The following AGAP1 variants were observed in gnomAD, a reference collection of about 807,000 sequenced individuals.
AGAP1 encodes ArfGAP with GTPase domain, ankyrin repeat and PH domain 1.
A neutral mutation model predicts 105.3 loss-of-function variants in AGAP1; 29 were observed. The observed-to-expected ratio is 0.28, with a 90% confidence interval of 0.21 to 0.38. The LOEUF is 0.38. AGAP1 is among the 10% of genes least tolerant of loss of function. The probability of loss-of-function intolerance (pLI) is 1.00; values close to 1 mark genes in which losing one functional copy is unlikely to be tolerated. For missense variants in AGAP1, 998 were observed against 1,165.1 expected, an observed-to-expected ratio of 0.86 and a Z score of 2.09; for synonymous variants, 509 against 485.9, an observed-to-expected ratio of 1.05 and a Z score of -0.63.
rs1441210013 is a variant in AGAP1, at chr2:235,959,696, G to C, written c.1484-8766G>C. Reference sequence around the variant, plus strand: ...CCCGCCATCACCTTCTCAGCACCATGATGGCCACTCCCTCGTGTAGCCGGT... The same window carrying C: ...CCCGCCATCACCTTCTCAGCACCATCATGGCCACTCCCTCGTGTAGCCGGT... On this transcript the variant is annotated intron_variant, in intron 12 of 17. Coordinates refer to ENST00000304032, the MANE Select transcript of AGAP1 (RefSeq NM_001037131.3). This position sits in a 1 kb window ranked among gnomAD's most constrained non-coding sequence, Gnocchi z 7.3. 2.0e-5 allele frequency among the ~76,000 whole-genome samples: 3 copies of C among 152,234 alleles called. No homozygotes were observed. The highest frequency in any genetic ancestry group is 1.9e-4 in the East Asian group (1 of 5,172).
chr2:235,813,753 C>T (rs1028637950), intron 9 of AGAP1, among the ~76,000 whole-genome samples: 2 of 152,248 alleles, frequency 1.3e-5, no homozygotes, highest in African/African-American at 4.8e-5. Context: ...ATTGCAAGGA[C>T]AGAGGGTTTC....
chr2:235,509,777 G>A lies in AGAP1; in HGVS notation c.163+14928G>A, dbSNP rs113541119. ...AATAAGATCATGCATTAAAAAGGGG[G>A]TCCCCAGCCTCTGGGCCATGGACCA... On this transcript the variant is annotated intron_variant, in intron 1 of 17. Coordinates refer to ENST00000304032, the MANE Select transcript of AGAP1 (RefSeq NM_001037131.3). Among the ~76,000 whole-genome samples the A allele has an allele frequency of 3.0e-3, 457 of 152,166 alleles. 5 individuals carry two copies. Among genetic ancestry groups the A allele is most frequent in the South Asian group, 0.02 (98 of 4,820 alleles).
At chr2:235,870,024 C>T (rs1370627964) in intron 9 of AGAP1, among the ~76,000 whole-genome samples, 3 of 152,186 alleles carry the variant, frequency 2.0e-5, no homozygotes, top group East Asian at 1.9e-4. Context: ...AGTCAGAGGA[C>T]AGAGTGATCA....
intron 13 of AGAP1, among the ~76,000 whole-genome samples, chr2:235,985,946 A>G (rs1353542401): frequency 1.3e-5 from 2 of 152,182 alleles, no homozygotes; most frequent in Admixed American, 6.5e-5. Context: ...TGTTTTGGCT[A>G]TACAGGGTCT....
chr2:235,805,521 A>G (rs1279492187), intron 8 of AGAP1, among the ~76,000 whole-genome samples: 1 of 152,134 alleles, frequency 6.6e-6, no homozygotes, highest in Non-Finnish European at 1.5e-5. Context: ...AAAATTCCCA[A>G]AGTACTCTTA....
chr2:235,727,342 G>T (rs1032285465), intron 3 of AGAP1, among the ~76,000 whole-genome samples: 4 of 152,058 alleles, frequency 2.6e-5, no homozygotes, highest in Non-Finnish European at 2.9e-5. Flanking sequence ...GGGTGGGGCT[G>T]GGGGGAGGGG....
At position 235,976,639 on chromosome 2, in the gene AGAP1, A is replaced by G. The variant is rs72989291; in HGVS notation, c.1645+8016A>G. Among the ~76,000 whole-genome samples the G allele has an allele frequency of 0.019, 2,913 of 152,294 alleles. 39 individuals carry two copies. The highest frequency in any genetic ancestry group is 0.03 in the Non-Finnish European group (2,007 of 68,014). ...CTACTGCACGCAAGAGTTTTGTCTG[A>G]TGCTGGATGGGACATCAACTGAAGC... On this transcript the variant is annotated intron_variant, in intron 13 of 17. Coordinates refer to ENST00000304032, the MANE Select transcript of AGAP1 (RefSeq NM_001037131.3). This position sits in a 1 kb window ranked among gnomAD's most constrained non-coding sequence, Gnocchi z 4.5.
chr2:235,649,010 G>A (rs1300788626), intron 1 of AGAP1, among the ~76,000 whole-genome samples: 1 of 152,176 alleles, frequency 6.6e-6, no homozygotes, highest in Non-Finnish European at 1.5e-5. Flanking sequence ...GGGGGACTCG[G>A]AACAGGGTTT....
chr2:236,129,832 A>G lies in AGAP1; in HGVS notation c.*5710A>G, dbSNP rs981071406. ...TTTTAAATCTTTGAGTTGTATGAGA[A>G]AGTATTTAAGTTCACCAGTGTAGTA... On this transcript the variant is annotated 3_prime_UTR_variant, in exon 18 of 18. Transcript: ENST00000304032. This position sits in a 1 kb window ranked among gnomAD's most constrained non-coding sequence, Gnocchi z 6.2. The G allele has an allele frequency of 4.6e-5, 7 of 152,172 alleles. No homozygotes were observed. Among genetic ancestry groups the G allele is most frequent in the African/African-American group, 1.7e-4 (7 of 41,442 alleles). The allele number at this position is 152,172 out of a possible 1,614,324, so 9.4% of individuals were successfully genotyped here.
chr2:235,758,682 A>G (rs1954140605), intron 6 of AGAP1, among the ~76,000 whole-genome samples: 1 of 152,256 alleles, frequency 6.6e-6, no homozygotes, highest in Admixed American at 6.5e-5. Flanking sequence ...ACATGAAGAA[A>G]GTGACCTCTG....
rs1947223442 is a variant in AGAP1, at chr2:235,642,260, A to G, written c.164-66919A>G. 6.6e-6 allele frequency among the ~76,000 whole-genome samples: 1 copy of G among 151,686 alleles called. No homozygotes were observed. Among genetic ancestry groups the G allele is most frequent in the Non-Finnish European group, 1.5e-5 (1 of 67,956 alleles). ...TTCCTGAGTGCGCATTTCTTTCCTC[A>G]CATTTGGGGGCATTCAGTGGGGGAG... is the stretch of plus-strand genomic sequence containing the variant. On this transcript the variant is annotated intron_variant, in intron 1 of 17. Transcript: ENST00000304032. This position sits in a 1 kb window ranked among gnomAD's most constrained non-coding sequence, Gnocchi z 4.1.
At position 235,960,715 on chromosome 2, in the gene AGAP1, C is replaced by T. The variant is rs1294390248; in HGVS notation, c.1484-7747C>T. On this transcript the variant is annotated intron_variant, in intron 12 of 17. Coordinates refer to ENST00000304032, the MANE Select transcript of AGAP1 (RefSeq NM_001037131.3). This position sits in a 1 kb window ranked among gnomAD's most constrained non-coding sequence, Gnocchi z 4.9. ...CACTCTAGAAATCAGCCCCGTGGGACAGGGGTCTTGCCCTTTATTCTCTGA... is the reference window on the plus strand; with the variant it reads ...CACTCTAGAAATCAGCCCCGTGGGATAGGGGTCTTGCCCTTTATTCTCTGA... Among the ~76,000 whole-genome samples the T allele has an allele frequency of 6.6e-6, 1 of 152,212 alleles. No homozygotes were observed.
intron 16 of AGAP1, among the ~76,000 whole-genome samples, chr2:236,065,038 A>C (rs2058308644): frequency 6.6e-6 from 1 of 152,220 alleles, no homozygotes; most frequent in Admixed American, 6.5e-5. Context: ...GTGGCCAGGC[A>C]AAGGCTCCAT....
intron 1 of AGAP1, among the ~76,000 whole-genome samples, chr2:235,570,597 T>C (rs926738246): frequency 6.6e-6 from 1 of 152,162 alleles, no homozygotes; most frequent in East Asian, 1.9e-4. Flanking sequence ...TTTGATCACT[T>C]GCTAGGTGTG....
At chr2:235,643,431 CAAAAAAAAAAAAAA>C (rs56146940) in intron 1 of AGAP1, among the ~76,000 whole-genome samples, 14 of 61,404 alleles carry the variant, frequency 2.3e-4, no homozygotes, top group African/African-American at 3.4e-4. Flanking sequence ...GACTGGGTCT[CAAAAAAAAAAAAAA>C]AAAAAAAAAA....
chr2:235,645,322 A>T (rs112746382), intron 1 of AGAP1, among the ~76,000 whole-genome samples: 2 of 152,322 alleles, frequency 1.3e-5, no homozygotes, highest in African/African-American at 4.8e-5. Context: ...ACCTATCTCA[A>T]AGTTGCTCTG....
Position 235,900,216 on chromosome 2 carries a change from C to T in AGAP1, c.1156-8522C>T, listed in dbSNP as rs577093545. ...AGCATTTACTAAGTCAAGAATATTC[C>T]ACACATACTCTTCCTTACCTCCATG... On this transcript the variant is annotated intron_variant, in intron 10 of 17. Coordinates refer to ENST00000304032, the MANE Select transcript of AGAP1 (RefSeq NM_001037131.3). The surrounding 1 kb of genome is among the most constrained non-coding windows in gnomAD (Gnocchi z 5.5). Among the ~76,000 whole-genome samples the T allele has an allele frequency of 6.6e-6, 1 of 152,314 alleles. No individual in the cohort carries two copies. Among genetic ancestry groups the T allele is most frequent in the African/African-American group, 2.4e-5 (1 of 41,562 alleles).
At chr2:235,746,360 G>A (rs576013672) in intron 5 of AGAP1, among the ~76,000 whole-genome samples, 1 of 129,026 alleles carries the variant, frequency 7.8e-6, no homozygotes, top group South Asian at 2.8e-4. Flanking sequence ...GGGCTTCCTG[G>A]AGAGCACCTC....
chr2:235,663,923 A>G lies in AGAP1; in HGVS notation c.164-45256A>G, dbSNP rs1312152709. Among the ~76,000 whole-genome samples the G allele has an allele frequency of 6.6e-6, 1 of 152,142 alleles. No individual in the cohort carries two copies. Among genetic ancestry groups the G allele is most frequent in the African/African-American group, 2.4e-5 (1 of 41,438 alleles). On this transcript the variant is annotated intron_variant, in intron 1 of 17. Transcript: ENST00000304032. The surrounding 1 kb of genome is among the most constrained non-coding windows in gnomAD (Gnocchi z 5.4). ...ATACTAGGAAGATTAGATAATGTGT[A>G]GGGATTTCTTGGTTTTTCTGCACAA...
Sources: gnomAD v4.1 joint callset for allele counts (sites outside exome capture counted in the v4.1 genomes callset) on GRCh38, gnomAD v4.1.1 for gene constraint, Gnocchi (gnomAD v3.1) non-coding constraint, MANE v1.5 for transcripts, NCBI Gene and HGNC (gene_info 2026-07-23, HGNC 2026-07-21) for gene names.